Variants in THSD7B observed in about 807,000 individuals in gnomAD.
THSD7B encodes thrombospondin type 1 domain containing 7B.
A neutral mutation model predicts 213.6 loss-of-function variants in THSD7B; 138 were observed. The ratio of observed to expected loss-of-function variants is 0.65; its 90% CI spans 0.56 to 0.74. The LOEUF is 0.74. Among genes scored for constraint, THSD7B ranks in the 30% least tolerant of loss-of-function variants. THSD7B has a pLI of 0.00. For synonymous variants in THSD7B, 742 were observed against 687.0 expected (o/e 1.08, Z -1.25); for missense variants, 1,931 against 1,991.5 (o/e 0.97, Z 0.58).
chr2:137,639,391 C>T (rs1031947063), intron 20 of THSD7B, among the ~76,000 whole-genome samples: 2 of 152,198 alleles, frequency 1.3e-5, no homozygotes, highest in African/African-American at 2.4e-5. Flanking sequence ...GAAACGCCTG[C>T]GTGCCCAGGC....
chr2:137,381,092 G>A (rs112757045), intron 12 of THSD7B, among the ~76,000 whole-genome samples: 4,809 of 152,266 alleles, frequency 0.032, 279 homozygotes, highest in African/African-American at 0.11. Flanking sequence ...CTGACAATTG[G>A]TGTCACAAAC....
intron 15 of THSD7B, among the ~76,000 whole-genome samples, chr2:137,526,350 A>T (rs1310331504): frequency 6.6e-6 from 1 of 152,074 alleles, no homozygotes; most frequent in African/African-American, 2.4e-5. Flanking sequence ...GCCCTCAATG[A>T]GTTTTCAGTT....
At chr2:137,399,605 A>G (rs1365746925) in intron 12 of THSD7B, among the ~76,000 whole-genome samples, 18 of 152,096 alleles carry the variant, frequency 1.2e-4, no homozygotes. Context: ...AGGTACTTTT[A>G]TCTTGCTGCT....
chr2:137,234,000 C>A (rs1198341734), intron 9 of THSD7B, among the ~76,000 whole-genome samples: 3 of 152,140 alleles, frequency 2.0e-5, no homozygotes, highest in Non-Finnish European at 4.4e-5. Context: ...ATAAGCTAGG[C>A]AACATACAGT....
At chr2:137,393,417 T>G (rs1686092780) in intron 12 of THSD7B, among the ~76,000 whole-genome samples, 1 of 150,700 alleles carries the variant, frequency 6.6e-6, no homozygotes, top group Admixed American at 6.6e-5. Context: ...GGTGTTTGGT[T>G]TTTTGTTCTT....
chr2:136,794,830 A>T (rs905949394), intron 1 of THSD7B, among the ~76,000 whole-genome samples: 8 of 151,632 alleles, frequency 5.3e-5, no homozygotes, highest in Non-Finnish European at 1.0e-4. Flanking sequence ...CTAGTTCTCT[A>T]TTTTTTTCCC....
At chr2:136,874,421 C>T (rs532859722) in intron 1 of THSD7B, among the ~76,000 whole-genome samples, 1 of 152,122 alleles carries the variant, frequency 6.6e-6, no homozygotes, top group African/African-American at 2.4e-5. Flanking sequence ...GACAATAGCC[C>T]CGTTGATCGG....
chr2:137,624,928 G>C (rs1050540230), intron 20 of THSD7B, among the ~76,000 whole-genome samples: 1 of 152,190 alleles, frequency 6.6e-6, no homozygotes, highest in African/African-American at 2.4e-5. Context: ...GATCCCTCAA[G>C]GATCTAGAAC....
intron 2 of THSD7B, among the ~76,000 whole-genome samples, chr2:136,910,471 A>G (rs1314880251): frequency 1.3e-5 from 2 of 152,218 alleles, no homozygotes; most frequent in Admixed American, 6.5e-5. Context: ...ATGTTTTTAT[A>G]TTTAAAAAAT....
At position 137,354,480 on chromosome 2, in the gene THSD7B, A is replaced by G. The variant is rs540915942; in HGVS notation, c.2501-51133A>G. On this transcript the variant is annotated intron_variant, in intron 12 of 27. Coordinates refer to ENST00000409968, the MANE Select transcript of THSD7B (RefSeq NM_001316349.2). ...ATGTATTTTTCTTTAATAATCATCT[A>G]TTAAAATCATTCCCTAAGCAACATT... 4.6e-5 allele frequency among the ~76,000 whole-genome samples: 7 copies of G among 152,280 alleles called. No homozygotes were observed. In the East Asian group the frequency reaches 1.4e-3, roughly 29 times the overall value.
intron 17 of THSD7B, among the ~76,000 whole-genome samples, chr2:137,602,266 T>C (rs1682087555): frequency 1.3e-5 from 2 of 152,034 alleles, no homozygotes; most frequent in Non-Finnish European, 2.9e-5. Flanking sequence ...TTTGTTTTTG[T>C]TTTTGTTTTT....
chr2:137,200,574 A>G (rs1680854762), intron 7 of THSD7B, among the ~76,000 whole-genome samples: 1 of 152,142 alleles, frequency 6.6e-6, no homozygotes, highest in East Asian at 1.9e-4. Flanking sequence ...TAGTACTCAC[A>G]TAAATAAATA....
intron 5 of THSD7B, among the ~76,000 whole-genome samples, chr2:137,159,243 G>A (rs993747190): frequency 1.1e-4 from 16 of 151,854 alleles, no homozygotes; most frequent in Non-Finnish European, 1.2e-4. Context: ...AACAGCCTAG[G>A]GAACATAGGG....
chr2:137,568,893 GA>G (rs1681295490), intron 16 of THSD7B, among the ~76,000 whole-genome samples: 1 of 152,228 alleles, frequency 6.6e-6, no homozygotes, highest in South Asian at 2.1e-4. Flanking sequence ...TGGGGTTATA[GA>G]GAGAATGGTG....
chr2:136,894,693 G>A (rs893338892), intron 2 of THSD7B, among the ~76,000 whole-genome samples: 6 of 152,136 alleles, frequency 3.9e-5, no homozygotes, highest in African/African-American at 9.7e-5. Flanking sequence ...CTTCTGACAC[G>A]TAGAACGTAA....
At chr2:137,546,669 G>C (rs1369455569) in intron 15 of THSD7B, among the ~76,000 whole-genome samples, 1 of 146,944 alleles carries the variant, frequency 6.8e-6, no homozygotes, top group Non-Finnish European at 1.5e-5. Context: ...ATAAATATCA[G>C]AGAAAGGCTG....
At chr2:137,186,342 T>G (rs1213504670) in intron 7 of THSD7B, among the ~76,000 whole-genome samples, 1 of 152,164 alleles carries the variant, frequency 6.6e-6, no homozygotes, top group East Asian at 1.9e-4. Context: ...TAGGTTTTCT[T>G]CTAAGAATTT....
chr2:137,166,176 C>A (rs1680124522), intron 6 of THSD7B, among the ~76,000 whole-genome samples: 1 of 152,158 alleles, frequency 6.6e-6, no homozygotes, highest in African/African-American at 2.4e-5. Context: ...GACAGGCAGA[C>A]AAGGGAACCA....
In THSD7B at chr2:137,572,565, T is replaced by C. The variant is rs759755990; in HGVS notation, c.3423+9T>C. The C allele has an allele frequency of 5.6e-5, 91 of 1,613,400 alleles. No homozygotes were observed. Among genetic ancestry groups the C allele is most frequent in the Non-Finnish European group, 7.5e-5 (89 of 1,179,600 alleles). On this transcript the variant is annotated intron_variant, in intron 17 of 27. Coordinates refer to ENST00000409968, the MANE Select transcript of THSD7B (RefSeq NM_001316349.2). ...GGAGCAAATGCCCACAGGTAATTTCTCTTTCTTTGTCAATGCTCTGATAAT... is the reference window on the plus strand; with the variant it reads ...GGAGCAAATGCCCACAGGTAATTTCCCTTTCTTTGTCAATGCTCTGATAAT...
Sources: allele counts gnomAD v4.1 joint callset (sites outside exome capture counted in the v4.1 genomes callset), GRCh38; gene constraint gnomAD v4.1.1; transcripts MANE v1.5; gene names NCBI Gene and HGNC (gene_info 2026-07-23, HGNC 2026-07-21).